Variants in NCAM2 observed in about 807,000 individuals in gnomAD.
The protein encoded by NCAM2 is N-CAM-2.
NCAM2 carries 30 observed loss-of-function variants against 98.1 expected under a neutral mutation model. The observed-to-expected ratio is 0.31, with a 90% CI of 0.23 to 0.41. The LOEUF (loss-of-function observed/expected upper bound fraction) is 0.41, where lower values mean the gene tolerates loss of function less well. NCAM2 is among the 10% of genes least tolerant of loss of function. The probability of loss-of-function intolerance (pLI) is 1.00; values close to 1 mark genes in which losing one functional copy is unlikely to be tolerated. For missense variants in NCAM2, 867 were observed against 1,005.8 expected (o/e 0.86, Z 1.87); for synonymous variants, 368 against 342.4 (o/e 1.07, Z -0.83).
chr21:21,168,634 A>G (rs1399256095), intron 1 of NCAM2, among the ~76,000 whole-genome samples: 2 of 152,176 alleles, frequency 1.3e-5, no homozygotes, highest in Admixed American at 6.5e-5. Context: ...ATGTGTGTCA[A>G]TTACTTTCTT....
chr21:21,005,810 C>CAA (rs371717219), intron 1 of NCAM2, among the ~76,000 whole-genome samples: 9 of 144,284 alleles, frequency 6.2e-5, no homozygotes, highest in East Asian at 6.0e-4. Flanking sequence ...ACGCCCCCCC[C>CAA]AAAAAAAAAA....
chr21:21,385,536 A>C, intron 9 of NCAM2: 1 of 668,970 alleles, frequency 1.5e-6, no homozygotes, highest in Non-Finnish European at 2.4e-6. Context: ...CATTTACTGT[A>C]ATAGCACTAA....
At chr21:21,294,936 T>C (rs531091590) in intron 5 of NCAM2, among the ~76,000 whole-genome samples, 1 of 151,908 alleles carries the variant, frequency 6.6e-6, no homozygotes, top group African/African-American at 2.4e-5. Context: ...CTTTTATTCA[T>C]ATTATTTGAT....
At chr21:21,473,903 CAA>C (rs5842929) in intron 14 of NCAM2, among the ~76,000 whole-genome samples, 4 of 136,276 alleles carry the variant, frequency 2.9e-5, no homozygotes, top group Admixed American at 7.3e-5. Flanking sequence ...ATTTTCTGAC[CAA>C]AAAAAAAAAA....
intron 1 of NCAM2, among the ~76,000 whole-genome samples, chr21:21,086,515 AG>A (rs1331019137): frequency 6.6e-6 from 1 of 152,206 alleles, no homozygotes; most frequent in Non-Finnish European, 1.5e-5. Flanking sequence ...GGTCAGAGAA[AG>A]TTTATCTCTG....
chr21:21,456,548 A>C (rs1982174735), intron 12 of NCAM2, among the ~76,000 whole-genome samples: 1 of 152,182 alleles, frequency 6.6e-6, no homozygotes, highest in African/African-American at 2.4e-5. Flanking sequence ...TGTGTCCTCT[A>C]ATAGTTTAAA....
At chr21:21,513,371 A>G (rs1358265652) in intron 16 of NCAM2, among the ~76,000 whole-genome samples, 1 of 152,114 alleles carries the variant, frequency 6.6e-6, no homozygotes, top group Admixed American at 6.6e-5. Context: ...TGCAGTATCC[A>G]ATAGGTTTTG....
chr21:21,029,833 C>T (rs1025196981), intron 1 of NCAM2, among the ~76,000 whole-genome samples: 55 of 151,764 alleles, frequency 3.6e-4, no homozygotes, highest in African/African-American at 1.3e-3. Context: ...GGTTTCACCA[C>T]GTTGGCCAGG....
At position 21,355,155 on chromosome 21, in the gene NCAM2, C is replaced by T. The variant is rs536804579; in HGVS notation, c.1044+16621C>T. On this transcript the variant is annotated intron_variant, in intron 8 of 17. Coordinates refer to ENST00000400546, the MANE Select transcript of NCAM2 (RefSeq NM_004540.5). ...CTGAAATTTAAGATTATTTCGTGAC[C>T]GGGCATGGTGGCTCAAGCCTGTAAT... 1.1e-4 allele frequency among the ~76,000 whole-genome samples: 16 copies of T among 152,000 alleles called. No individual in the cohort carries two copies. In the South Asian group the frequency reaches 2.5e-3, roughly 24 times the overall value.
chr21:21,334,355 T>C (rs1247382312), intron 6 of NCAM2, among the ~76,000 whole-genome samples: 9 of 152,232 alleles, frequency 5.9e-5, no homozygotes, highest in Admixed American at 5.9e-4. Flanking sequence ...CTATTGAGTA[T>C]AGACATATAA....
chr21:20,999,310 A>AT (rs2063976422), intron 1 of NCAM2, among the ~76,000 whole-genome samples: 1 of 151,826 alleles, frequency 6.6e-6, no homozygotes, highest in Non-Finnish European at 1.5e-5. Flanking sequence ...CCTGTAGAGG[A>AT]TTTTTGGGGT....
intron 15 of NCAM2, among the ~76,000 whole-genome samples, chr21:21,494,951 T>C (rs1375833371): frequency 2.2e-4 from 33 of 151,008 alleles, no homozygotes. Flanking sequence ...CTTTTTCTTA[T>C]GTTAAAATCA....
At chr21:21,229,939 A>G (rs2070553161) in intron 1 of NCAM2, among the ~76,000 whole-genome samples, 1 of 151,536 alleles carries the variant, frequency 6.6e-6, no homozygotes, top group Non-Finnish European at 1.5e-5. Context: ...ATCAATAAAA[A>G]TATCATATAA....
intron 11 of NCAM2, among the ~76,000 whole-genome samples, chr21:21,426,202 A>G (rs960742312): frequency 6.6e-6 from 1 of 152,184 alleles, no homozygotes; most frequent in Non-Finnish European, 1.5e-5. Flanking sequence ...ACCAGCATTC[A>G]AACCACAGCA....
intron 1 of NCAM2, among the ~76,000 whole-genome samples, chr21:21,130,440 G>A (rs2826668): frequency 0.42 from 63,496 of 151,788 alleles, 13,846 homozygotes; most frequent in African/African-American, 0.55. Flanking sequence ...ATAATGGTAC[G>A]TGCATCAATC....
rs571370262 is a variant in NCAM2, at chr21:21,346,363, C to A, written c.1044+7829C>A. Among the ~76,000 whole-genome samples, 4 of 152,130 alleles carry A rather than the reference C, an allele frequency of 2.6e-5. No individual in the cohort carries two copies. In the East Asian group the frequency reaches 7.7e-4, roughly 29 times the overall value. On this transcript the variant is annotated intron_variant, in intron 8 of 17. Transcript: ENST00000400546. ...ATAATTTAAATATATATGCACCCAA[C>A]ATGGGAGAACCCAGATACATAATGG...
intron 1 of NCAM2, among the ~76,000 whole-genome samples, chr21:21,102,532 T>C (rs78546197): frequency 0.017 from 2,587 of 152,098 alleles, 156 homozygotes; most frequent in East Asian, 0.13. Flanking sequence ...AACTCATGGA[T>C]ATAAACCAAA....
intron 1 of NCAM2, among the ~76,000 whole-genome samples, chr21:21,030,535 C>T (rs1448792953): frequency 7.9e-5 from 12 of 152,194 alleles, no homozygotes. Context: ...CCCCATCTCA[C>T]GATTCGTATC....
chr21:21,286,316 G>T lies in NCAM2; in HGVS notation c.385G>T (p.Gly129Ter). 6.2e-7 allele frequency: 1 copy of T among 1,612,048 alleles called. No individual in the cohort carries two copies. The highest frequency in any genetic ancestry group is 8.5e-7 in the Non-Finnish European group (1 of 1,178,920). The stretch of plus-strand genomic sequence containing the variant: ...GGTATCTCCACAAGAATTCAAACAA[G>T]GAGAAGATGCAGAAGTGGTTTGCCG... ...EVVSPQEFKQ[G>*]EDAEVVCRVS... is the part of the protein sequence containing the mutation. The change falls in exon 4 of 18, where the codon GGA (glycine) becomes TGA (stop). Residue 129 changes from glycine (G) to a stop codon, truncating the protein, a stop_gained. Coordinates refer to ENST00000400546, the MANE Select transcript of NCAM2 (RefSeq NM_004540.5). LOFTEE classifies it high-confidence loss of function.
Sources: gnomAD v4.1 joint callset for allele counts (sites outside exome capture counted in the v4.1 genomes callset) on GRCh38, gnomAD v4.1.1 for gene constraint, MANE v1.5 for transcripts, NCBI Gene and HGNC (gene_info 2026-07-23, HGNC 2026-07-21) for gene names.